CRBN: variants seen among roughly 807,000 people sequenced by gnomAD.
The protein encoded by CRBN is protein cereblon.
A neutral mutation model predicts 62.2 loss-of-function variants in CRBN; 53 were observed. The observed-to-expected ratio is 0.85, with a 90% confidence interval of 0.68 to 1.07. The LOEUF (loss-of-function observed/expected upper bound fraction) is 1.07. Among genes scored for constraint, CRBN ranks in the 50% least tolerant of loss-of-function variants. CRBN has a pLI of 0.00. For synonymous variants in CRBN, 208 were observed against 176.1 expected (o/e 1.18, Z -1.43); for missense variants, 616 against 531.1 (o/e 1.16, Z -1.57).
Position 3,154,237 on chromosome 3 carries a change from CTT to C in CRBN, c.836-164_836-163del, listed in dbSNP as rs566581835. 25 of 611,146 alleles carry C rather than the reference CTT, an allele frequency of 4.1e-5. No individual in the cohort carries two copies. The South Asian group carries it at 4.2e-4, about 10-fold the overall frequency. The allele number at this position is 611,146 out of a possible 1,614,324, so 37.9% of individuals were successfully genotyped here. On this transcript the variant is annotated intron_variant, in intron 7 of 10. Coordinates refer to ENST00000231948, the MANE Select transcript of CRBN (RefSeq NM_016302.4). The stretch of plus-strand genomic sequence containing the variant: ...AAATATACCAGCTGTCAAAGATACA[CTT>C]TTCAGAAGCTCTAAATTTAATTGCT...
At chr3:3,169,783 A>G (rs756078659) in intron 4 of CRBN, among the ~76,000 whole-genome samples, 12 of 152,204 alleles carry the variant, frequency 7.9e-5, no homozygotes, top group Non-Finnish European at 1.5e-4. Flanking sequence ...CAGTCTAGAC[A>G]GGTAAGAGAT....
At chr3:3,166,177 G>C (rs1448167810) in intron 5 of CRBN, among the ~76,000 whole-genome samples, 1 of 152,152 alleles carries the variant, frequency 6.6e-6, no homozygotes, top group Non-Finnish European at 1.5e-5. Context: ...GTCATGGGAG[G>C]AACTCAGTGG....
intron 5 of CRBN, among the ~76,000 whole-genome samples, chr3:3,160,528 G>T (rs1707096985): frequency 6.6e-6 from 1 of 152,164 alleles, no homozygotes; most frequent in Admixed American, 6.5e-5. Flanking sequence ...CAAGATGTAT[G>T]CCTGGGAAAT....
chr3:3,154,436 G>A, intron 7 of CRBN: 1 of 459,206 alleles, frequency 2.2e-6, no homozygotes, highest in Admixed American at 3.8e-5. Flanking sequence ...TCTTTTAAAG[G>A]CACCTTGAAG....
intron 8 of CRBN, chr3:3,153,754 A>G: frequency 1.6e-6 from 1 of 620,126 alleles, no homozygotes; most frequent in East Asian, 2.8e-5. Context: ...CCATGCAGAA[A>G]TCAAGTTATT....
chr3:3,154,580 A>G (rs1324679303), intron 7 of CRBN, 167 bp downstream of exon 7: 1 of 494,442 alleles, frequency 2.0e-6, no homozygotes, highest in Non-Finnish European at 3.5e-6. Context: ...AATTAATTTT[A>G]AAATACTCAT....
At chr3:3,178,744 C>T (rs1455052089) in intron 1 of CRBN, among the ~76,000 whole-genome samples, 1 of 152,166 alleles carries the variant, frequency 6.6e-6, no homozygotes, top group Non-Finnish European at 1.5e-5. Flanking sequence ...TTGTGTATTA[C>T]CTCTCGTTTC....
At chr3:3,160,058 G>T (rs193060957) in intron 5 of CRBN, among the ~76,000 whole-genome samples, 26 of 152,232 alleles carry the variant, frequency 1.7e-4, no homozygotes, top group Admixed American at 9.2e-4. Context: ...CTGGGAACAG[G>T]ATTTACTACT....
intron 1 of CRBN, among the ~76,000 whole-genome samples, chr3:3,175,732 G>A (rs1270050151): frequency 6.6e-6 from 1 of 152,122 alleles, no homozygotes; most frequent in Non-Finnish European, 1.5e-5. Flanking sequence ...GGCTAGGGGG[G>A]TTTTCAGACT....
chr3:3,161,572 A>G (rs947328943), intron 5 of CRBN, among the ~76,000 whole-genome samples: 1 of 152,116 alleles, frequency 6.6e-6, no homozygotes, highest in African/African-American at 2.4e-5. Flanking sequence ...TATATTTAGT[A>G]GAGACGGGGT....
At chr3:3,168,912 C>T (rs966080757) in intron 4 of CRBN, among the ~76,000 whole-genome samples, 1 of 152,026 alleles carries the variant, frequency 6.6e-6, no homozygotes, top group African/African-American at 2.4e-5. Context: ...GTCAAGTGTT[C>T]TTATATTATT....
At chr3:3,174,351 G>T in intron 2 of CRBN, 90 bp from the exon 3 acceptor site, 2 of 1,067,626 alleles carry the variant, frequency 1.9e-6, no homozygotes, top group Non-Finnish European at 1.4e-6. Context: ...CACATTAAAA[G>T]AAATACAGGC....
chr3:3,150,731 C>T lies in CRBN; in HGVS notation c.*134G>A, dbSNP rs1049268060. 3 of 881,794 alleles carry T rather than the reference C, an allele frequency of 3.4e-6. No individual in the cohort carries two copies. The highest frequency in any genetic ancestry group is 1.7e-5 in the African/African-American group (1 of 59,428). 54.6% of individuals were successfully genotyped at this position (881,794 alleles called of 1,614,324 possible). A position where few individuals can be genotyped will look rare whatever the true frequency, so the allele number is the denominator to read the frequency against. Reference sequence around the variant, plus strand: ...ATACAGTTTCACTTAGAAACTGCAACCCTCCAAGTAATGTTATGTTTACTT... The same window carrying T: ...ATACAGTTTCACTTAGAAACTGCAATCCTCCAAGTAATGTTATGTTTACTT... On this transcript the variant is annotated 3_prime_UTR_variant, in exon 11 of 11. Transcript: ENST00000231948.
chr3:3,154,233 T>TA, intron 7 of CRBN, 158 bp from the exon 8 acceptor site: 1 of 618,372 alleles, frequency 1.6e-6, no homozygotes, highest in Non-Finnish European at 2.9e-6. Context: ...CTGTCAAAGA[T>TA]ACACTTTTCA....
At chr3:3,170,959 C>T (rs1707583568) in intron 4 of CRBN, among the ~76,000 whole-genome samples, 1 of 152,122 alleles carries the variant, frequency 6.6e-6, no homozygotes, top group East Asian at 1.9e-4. Flanking sequence ...TCATGCGCCA[C>T]CATGCCCGGC....
At chr3:3,153,818 T>A (rs1706747401) in intron 8 of CRBN, 142 bp downstream of exon 8, 3 of 675,762 alleles carry the variant, frequency 4.4e-6, no homozygotes, top group Non-Finnish European at 8.1e-6. Context: ...ACAATGAGTT[T>A]GTTTGTAAGA....
intron 10 of CRBN, among the ~76,000 whole-genome samples, chr3:3,151,945 G>A (rs908698734): frequency 2.5e-4 from 38 of 152,288 alleles, no homozygotes; most frequent in African/African-American, 8.4e-4. Context: ...ATATGGTCCA[G>A]ATATAAAGTT....
Position 3,179,662 on chromosome 3 carries a change from T to G in CRBN, c.26A>C (p.Asp9Ala), listed in dbSNP as rs148285043. The change falls in exon 1 of 11, where the codon GAC becomes GCC. Residue 9 changes from aspartate to alanine, a missense_variant. Physicochemically the swap from Asp to Ala is moderately radical, Grantham distance 126. Transcript: ENST00000231948. The part of the protein sequence containing the change: MAGEGDQQ[D>A]AAHNMGNHLP... The stretch of plus-strand genomic sequence containing the variant: ...GTGGTTGCCCATGTTGTGCGCAGCG[T>G]CCTGCTGATCTCCTTCGCCGGCCAT... 9 of 1,613,126 alleles carry G rather than the reference T, an allele frequency of 5.6e-6. No homozygotes were observed. Among genetic ancestry groups the G allele is most frequent in the Non-Finnish European group, 7.6e-6 (9 of 1,179,602 alleles).
chr3:3,160,856 C>G (rs1319871377), intron 5 of CRBN, among the ~76,000 whole-genome samples: 1 of 152,206 alleles, frequency 6.6e-6, no homozygotes, highest in East Asian at 1.9e-4. Context: ...TGAATTTGGT[C>G]TGTGACAATG....
Sources: gnomAD v4.1 joint callset for allele counts (sites outside exome capture counted in the v4.1 genomes callset) on GRCh38, gnomAD v4.1.1 for gene constraint, MANE v1.5 for transcripts, NCBI Gene and HGNC (gene_info 2026-07-23, HGNC 2026-07-21) for gene names.